DMXL1: variants seen among roughly 807,000 people sequenced by gnomAD.
DMXL1 encodes dmX-like protein 1.
A neutral mutation model predicts 319.2 loss-of-function variants in DMXL1; 99 were observed. The observed-to-expected ratio is 0.31, with a 90% CI of 0.26 to 0.37. The LOEUF (loss-of-function observed/expected upper bound fraction) is 0.37, where lower values mean the gene tolerates loss of function less well. Among genes scored for constraint, DMXL1 ranks in the 10% least tolerant of loss-of-function variants. DMXL1 has a pLI of 1.00. For synonymous variants in DMXL1, 1,385 were observed against 1,235.2 expected, an observed-to-expected ratio of 1.12 and a Z score of -2.54; for missense variants, 3,745 against 3,595.6, an observed-to-expected ratio of 1.04 and a Z score of -1.06.
chr5:119,154,971 A>G (rs1348001405), intron 19 of DMXL1, among the ~76,000 whole-genome samples: 2 of 152,354 alleles, frequency 1.3e-5, no homozygotes, highest in South Asian at 2.1e-4. Context: ...CGCTCTACAC[A>G]TGGAATAGCA....
At chr5:119,236,780 T>G (rs1039235738) in intron 39 of DMXL1, 7 of 151,966 alleles carry the variant, frequency 4.6e-5, no homozygotes, top group Non-Finnish European at 1.0e-4. Flanking sequence ...TTAGCTGTCT[T>G]ACTCATCCTT....
At chr5:119,163,884 GT>G (rs1189456926) in intron 19 of DMXL1, among the ~76,000 whole-genome samples, 1 of 151,820 alleles carries the variant, frequency 6.6e-6, no homozygotes, top group African/African-American at 2.4e-5. Flanking sequence ...CTAATTGTAC[GT>G]TTTTTGAGTA....
chr5:119,155,762 G>T (rs926598760), intron 19 of DMXL1, among the ~76,000 whole-genome samples: 12 of 146,442 alleles, frequency 8.2e-5, no homozygotes, highest in Admixed American at 7.7e-4. Context: ...AGGAGGTCAA[G>T]ACTGCAACGA....
At chr5:119,216,509 T>G (rs1783729931) in intron 34 of DMXL1, among the ~76,000 whole-genome samples, 1 of 152,174 alleles carries the variant, frequency 6.6e-6, no homozygotes, top group Non-Finnish European at 1.5e-5. Context: ...CTGCAAAACC[T>G]AAAATATTGA....
intron 31 of DMXL1, 94 bp from the exon 32 acceptor site, chr5:119,197,661 C>A: frequency 2.7e-6 from 3 of 1,096,720 alleles, no homozygotes; most frequent in Non-Finnish European, 2.7e-6. Context: ...TTTTTTCCTG[C>A]ATCTGCTCTC....
chr5:119,177,019 C>A (rs1775930781), intron 26 of DMXL1, among the ~76,000 whole-genome samples: 1 of 152,198 alleles, frequency 6.6e-6, no homozygotes, highest in East Asian at 1.9e-4. Context: ...GTAGGCTAGC[C>A]ATTATACATG....
At chr5:119,120,429 C>A (rs952606225) in intron 8 of DMXL1, among the ~76,000 whole-genome samples, 1 of 152,208 alleles carries the variant, frequency 6.6e-6, no homozygotes, top group East Asian at 1.9e-4. Flanking sequence ...GCTAGATGAT[C>A]TTGGGTTCTA....
chr5:119,089,006 G>A (rs949440469), intron 1 of DMXL1, among the ~76,000 whole-genome samples: 1 of 150,640 alleles, frequency 6.6e-6, no homozygotes, highest in Admixed American at 6.6e-5. Context: ...GCATATTAGT[G>A]GTTTTTTTAA....
At chr5:119,239,467 A>G (rs967273382) in intron 41 of DMXL1, among the ~76,000 whole-genome samples, 2 of 152,202 alleles carry the variant, frequency 1.3e-5, no homozygotes, top group Non-Finnish European at 1.5e-5. Flanking sequence ...CCCCCCACAC[A>G]GTAGAAACAA....
intron 2 of DMXL1, chr5:119,100,747 C>CTTTT (rs1757065795): frequency 1.6e-5 from 2 of 125,784 alleles, no homozygotes; most frequent in South Asian, 5.4e-4. Flanking sequence ...TACATTGCCT[C>CTTTT]TTTTAATCTT....
In DMXL1 at chr5:119,217,000, A is replaced by T; in HGVS notation, c.8013+13A>T. 7.2e-7 allele frequency: 1 copy of T among 1,386,114 alleles called. No individual in the cohort carries two copies. Among genetic ancestry groups the T allele is most frequent in the Non-Finnish European group, 9.9e-7 (1 of 1,007,448 alleles). 85.9% of individuals were successfully genotyped at this position (1,386,114 alleles called of 1,614,324 possible). ...TGCTGTTAATAAGGTAAGTACATAG[A>T]CATTCTTCTTTTGTTTATTAAGTAT... On this transcript the variant is annotated intron_variant, in intron 35 of 43. Coordinates refer to ENST00000539542, the MANE Select transcript of DMXL1 (RefSeq NM_001290321.3).
intron 16 of DMXL1, 143 bp downstream of exon 16, chr5:119,147,099 GCTTTT>G: frequency 1.7e-6 from 2 of 1,173,340 alleles, no homozygotes; most frequent in Non-Finnish European, 2.4e-6. Flanking sequence ...AATTCAAAAA[GCTTTT>G]CTTATTTTCT....
intron 19 of DMXL1, among the ~76,000 whole-genome samples, chr5:119,161,588 A>C (rs948342536): frequency 1.3e-5 from 2 of 152,166 alleles, no homozygotes; most frequent in Non-Finnish European, 2.9e-5. Context: ...TTCTAAGGAA[A>C]TACACAGTGA....
At chr5:119,172,474 A>G (rs1289514672) in intron 25 of DMXL1, among the ~76,000 whole-genome samples, 1 of 152,160 alleles carries the variant, frequency 6.6e-6, no homozygotes, top group African/African-American at 2.4e-5. Flanking sequence ...AAAAGTCTGG[A>G]TTCTCAAGTT....
chr5:119,131,168 C>G (rs1260942777), intron 10 of DMXL1, among the ~76,000 whole-genome samples: 2 of 107,282 alleles, frequency 1.9e-5, no homozygotes, highest in South Asian at 2.9e-4. Context: ...TTTTTTTTTT[C>G]TTATTGATTT....
intron 9 of DMXL1, among the ~76,000 whole-genome samples, chr5:119,122,704 G>A (rs1445542434): frequency 3.3e-5 from 5 of 151,794 alleles, no homozygotes; most frequent in African/African-American, 4.8e-5. Flanking sequence ...CATCCCAGAC[G>A]GGGCGGCGGG....
intron 1 of DMXL1, among the ~76,000 whole-genome samples, chr5:119,079,303 G>A (rs765469884): frequency 6.6e-6 from 1 of 151,950 alleles, no homozygotes; most frequent in Non-Finnish European, 1.5e-5. Context: ...TCTCCTCCTG[G>A]TACAATAAAA....
At chr5:119,173,798 A>ATATATATATATATATATATAT (rs1307519155) in intron 25 of DMXL1, among the ~76,000 whole-genome samples, 40 of 126,646 alleles carry the variant, frequency 3.2e-4, no homozygotes, top group Middle Eastern at 3.9e-3. Flanking sequence ...ATATATATAT[A>ATATATATATATATATATATAT]ATGAGAGAGA....
At chr5:119,160,260 T>G (rs1771988365) in intron 19 of DMXL1, among the ~76,000 whole-genome samples, 1 of 152,174 alleles carries the variant, frequency 6.6e-6, no homozygotes, top group South Asian at 2.1e-4. Context: ...TCAAGATAAT[T>G]TTTAATTTCT....
Sources: gnomAD v4.1 joint callset for allele counts (sites outside exome capture counted in the v4.1 genomes callset) on GRCh38, gnomAD v4.1.1 for gene constraint, MANE v1.5 for transcripts, NCBI Gene and HGNC (gene_info 2026-07-23, HGNC 2026-07-21) for gene names.